The following C5orf52 variants were observed in gnomAD, a reference collection of about 807,000 sequenced individuals.
C5orf52 encodes the protein chromosome 5 open reading frame 52.
In C5orf52, 15 loss-of-function variants were observed where a neutral mutation model predicts 16.8. The observed-to-expected ratio is 0.89, with a 90% CI of 0.60 to 1.38. The LOEUF is 1.38. Ranked by LOEUF, C5orf52 falls within the 40% of genes most tolerant of loss-of-function variation. The pLI, the probability that C5orf52 is intolerant of heterozygous loss-of-function variation, is 0.00. For missense variants in C5orf52, 206 were observed against 213.1 expected, an observed-to-expected ratio of 0.97 and a Z score of 0.21; for synonymous variants, 83 against 87.2, an observed-to-expected ratio of 0.95 and a Z score of 0.27.
intron 1 of C5orf52, among the ~76,000 whole-genome samples, chr5:157,673,144 T>C (rs1420168472): frequency 6.6e-6 from 1 of 151,522 alleles, no homozygotes; most frequent in African/African-American, 2.4e-5. Context: ...TCGAGACCAG[T>C]CAGGTCAACA....
intron 2 of C5orf52, 143 bp downstream of exon 2, chr5:157,675,343 G>T: frequency 1.7e-6 from 1 of 586,592 alleles, no homozygotes; most frequent in Non-Finnish European, 3.0e-6. Flanking sequence ...TACAGAGGAG[G>T]CAATTGATAC....
At chr5:157,675,539 C>T (rs184286366) in intron 2 of C5orf52, among the ~76,000 whole-genome samples, 37 of 152,200 alleles carry the variant, frequency 2.4e-4, no homozygotes, top group Non-Finnish European at 3.4e-4. Context: ...CGCAGTGGCT[C>T]ATACCTCTAA....
chr5:157,679,214 A>G (rs1249931435), intron 2 of C5orf52, among the ~76,000 whole-genome samples: 1 of 152,166 alleles, frequency 6.6e-6, no homozygotes, highest in East Asian at 1.9e-4. Flanking sequence ...GACCTGTGGC[A>G]GTTTTTCTTA....
At chr5:157,673,647 G>A (rs147833732) in intron 1 of C5orf52, among the ~76,000 whole-genome samples, 2 of 151,882 alleles carry the variant, frequency 1.3e-5, no homozygotes, top group African/African-American at 2.4e-5. Context: ...AAGAAAATAT[G>A]AACAATTTTT....
At chr5:157,679,090 C>T (rs1462599259) in intron 2 of C5orf52, among the ~76,000 whole-genome samples, 10 of 151,060 alleles carry the variant, frequency 6.6e-5, no homozygotes, top group East Asian at 4.0e-4. Flanking sequence ...GCTGAGATCG[C>T]GCCACTGCAC....
chr5:157,673,290 T>C (rs1157943993), intron 1 of C5orf52, among the ~76,000 whole-genome samples: 1 of 151,664 alleles, frequency 6.6e-6, no homozygotes, highest in Non-Finnish European at 1.5e-5. Flanking sequence ...TGAGCGGAGA[T>C]TGCGCCACTG....
chr5:157,675,063 C>A, intron 1 of C5orf52, 29 bp from the exon 2 acceptor site: 1 of 1,466,832 alleles, frequency 6.8e-7, no homozygotes, highest in Non-Finnish European at 9.3e-7. Flanking sequence ...CCGTCTGTAA[C>A]CTGTGCCACC....
chr5:157,671,423 G>T, upstream of C5orf52: 1 of 582,884 alleles, frequency 1.7e-6, no homozygotes. Context: ...CGCGTCCGTG[G>T]CCGCCGGACT....
At chr5:157,676,824 C>T (rs559108649) in intron 2 of C5orf52, among the ~76,000 whole-genome samples, 202 of 151,214 alleles carry the variant, frequency 1.3e-3, no homozygotes, top group African/African-American at 4.8e-3. Context: ...GTCTTCCATT[C>T]TCTCTCATCA....
chr5:157,676,048 A>C (rs1759888040), intron 2 of C5orf52, among the ~76,000 whole-genome samples: 1 of 152,114 alleles, frequency 6.6e-6, no homozygotes, highest in Non-Finnish European at 1.5e-5. Context: ...CAAGCAGAGC[A>C]GGGTGCCCAG....
chr5:157,671,666 A>G lies in C5orf52; in HGVS notation c.52A>G (p.Ile18Val). The G allele has an allele frequency of 6.4e-7, 1 of 1,551,304 alleles. No homozygotes were observed. The highest frequency in any genetic ancestry group is 8.7e-7 in the Non-Finnish European group (1 of 1,146,868). The change falls in exon 1 of 3, where the codon ATC becomes GTC. Residue 18 changes from isoleucine (I) to valine (V), a missense_variant. Transcript: ENST00000409999. ...SVTCDQGSST[I>V]GGTAAQATTS... ...CACCTGTGACCAGGGATCCTCCACG[A>G]TCGGCGGGACCGCCGCCCAGGCGAC...
At chr5:157,671,294 C>G (rs1759780540), upstream of C5orf52, 2 of 353,866 alleles carry the variant, frequency 5.7e-6, no homozygotes, top group Admixed American at 9.5e-5. Context: ...TCACTGCAGT[C>G]CCCACGTCGA....
chr5:157,671,723 T>A lies in C5orf52; in HGVS notation c.109T>A (p.Tyr37Asn). The A allele has an allele frequency of 6.4e-7, 1 of 1,550,914 alleles. No homozygotes were observed. The highest frequency in any genetic ancestry group is 8.7e-7 in the Non-Finnish European group (1 of 1,146,490). ...TSSSATSGSNYQRDRLGRRPE... is the reference protein window; with the variant it reads ...TSSSATSGSNNQRDRLGRRPE... ...TTCCAGCGCCACCTCGGGTTCGAACTACCAGCGCGATAGACTCGGCCGCCG... is the reference window on the plus strand; with the variant it reads ...TTCCAGCGCCACCTCGGGTTCGAACAACCAGCGCGATAGACTCGGCCGCCG... The change falls in exon 1 of 3, where the codon TAC (tyrosine) becomes AAC (asparagine). Residue 37 changes from tyrosine (Y) to asparagine (N), a missense_variant. Coordinates refer to ENST00000409999, the MANE Select transcript of C5orf52 (RefSeq NM_001145132.2).
chr5:157,679,671 A>C (rs934147874), intron 2 of C5orf52, among the ~76,000 whole-genome samples, 170 bp from the exon 3 acceptor site: 2 of 152,114 alleles, frequency 1.3e-5, no homozygotes, highest in African/African-American at 4.8e-5. Context: ...GCTTTTTACA[A>C]ATAGAGAAAT....
In C5orf52 at chr5:157,674,206, T is replaced by G. The variant is rs1759854403; in HGVS notation, c.213-886T>G. Among the ~76,000 whole-genome samples, 3 of 151,984 alleles carry G rather than the reference T, an allele frequency of 2.0e-5. No individual in the cohort carries two copies. The South Asian group carries it at 6.2e-4, about 32-fold the overall frequency. On this transcript the variant is annotated intron_variant, in intron 1 of 2. Transcript: ENST00000409999. ...TAGCCACCCCATACCTCCTTCACTT[T>G]TCTAAACTCCCCAAACTTTCTTCCA...
At chr5:157,674,709 T>G (rs1483794598) in intron 1 of C5orf52, among the ~76,000 whole-genome samples, 2 of 152,062 alleles carry the variant, frequency 1.3e-5, no homozygotes, top group Non-Finnish European at 2.9e-5. Context: ...GAGTTTGCAG[T>G]AAGCCAAGAT....
intron 2 of C5orf52, among the ~76,000 whole-genome samples, chr5:157,676,845 CCCTTTTTTTAATTT>C (rs1759902133): frequency 1.3e-5 from 2 of 148,550 alleles, no homozygotes; most frequent in Admixed American, 6.7e-5. Flanking sequence ...TCTTTGTATC[CCCTTTTTTTAATTT>C]CCTTTTTTTT....
chr5:157,672,228 G>C (rs1193971356), intron 1 of C5orf52, among the ~76,000 whole-genome samples: 2 of 151,898 alleles, frequency 1.3e-5, no homozygotes, highest in African/African-American at 4.8e-5. Context: ...CGTCTCATAC[G>C]CCCCTTCTCA....
intron 1 of C5orf52, 103 bp from the exon 2 acceptor site, chr5:157,674,987 GAA>G (rs1759869008): frequency 1.5e-6 from 1 of 666,626 alleles, no homozygotes. Context: ...CTTGTCCCAA[GAA>G]ACCCGGGGAA....
Sources: allele counts gnomAD v4.1 joint callset (sites outside exome capture counted in the v4.1 genomes callset), GRCh38; gene constraint gnomAD v4.1.1; transcripts MANE v1.5; gene names NCBI Gene and HGNC (gene_info 2026-07-23, HGNC 2026-07-21).